RNF115: variants seen among roughly 807,000 people sequenced by gnomAD.
RNF115 encodes E3 ubiquitin-protein ligase RNF115.
A neutral mutation model predicts 39.2 loss-of-function variants in RNF115; 31 were observed. The observed-to-expected ratio is 0.79, with a 90% CI of 0.59 to 1.07. RNF115 has a LOEUF of 1.07. Among genes scored for constraint, RNF115 ranks in the 50% least tolerant of loss-of-function variants. The pLI, the probability that RNF115 is intolerant of heterozygous loss-of-function variation, is 0.00. For synonymous variants in RNF115, 124 were observed against 131.0 expected, an observed-to-expected ratio of 0.95 and a Z score of 0.37; for missense variants, 384 against 381.7, an observed-to-expected ratio of 1.01 and a Z score of -0.05.
intron 1 of RNF115, among the ~76,000 whole-genome samples, chr1:145,793,207 A>C (rs1278917089): frequency 6.6e-6 from 1 of 152,142 alleles, no homozygotes; most frequent in Non-Finnish European, 1.5e-5. Context: ...AGTCCCAGCT[A>C]CTTGGAGGCT....
At chr1:145,772,654 TTCTC>T (rs1559113959) in intron 3 of RNF115, 1 of 152,224 alleles carries the variant, frequency 6.6e-6, no homozygotes, top group Non-Finnish European at 1.5e-5. Flanking sequence ...GCTTCCAAGA[TTCTC>T]TCTTTATCTC....
chr1:145,769,829 C>T (rs1308502833), intron 4 of RNF115, among the ~76,000 whole-genome samples: 2 of 149,102 alleles, frequency 1.3e-5, no homozygotes, highest in Non-Finnish European at 3.0e-5. Flanking sequence ...CCAGCCTGGG[C>T]AACCTAGTCT....
In RNF115 at chr1:145,767,325, C is replaced by A. The variant is rs587743276; in HGVS notation, c.428+4386G>T. On this transcript the variant is annotated intron_variant, in intron 4 of 8. Coordinates refer to ENST00000582693, the MANE Select transcript of RNF115 (RefSeq NM_014455.4). Reference sequence around the variant, plus strand: ...GCAGTTGCCAGGCAGAGGGTCTCCTCACTTCTCAGACGGGGCGGCCGGGCA... The same window carrying A: ...GCAGTTGCCAGGCAGAGGGTCTCCTAACTTCTCAGACGGGGCGGCCGGGCA... Among the ~76,000 whole-genome samples the A allele has an allele frequency of 5.3e-5, 8 of 150,616 alleles. No homozygotes were observed. The South Asian group carries it at 6.3e-4, about 12-fold the overall frequency.
intron 4 of RNF115, among the ~76,000 whole-genome samples, chr1:145,764,317 G>A (rs1047346600): frequency 1.3e-5 from 2 of 152,220 alleles, no homozygotes; most frequent in African/African-American, 2.4e-5. Context: ...TGAGATTGCA[G>A]CCTCTGCCTG....
intron 5 of RNF115, among the ~76,000 whole-genome samples, chr1:145,751,761 C>T (rs782741390): frequency 7.2e-5 from 11 of 152,170 alleles, no homozygotes; most frequent in South Asian, 2.1e-4. Context: ...CCACATGACA[C>T]GCCAGAACAA....
chr1:145,789,875 T>C (rs901948442), intron 1 of RNF115, among the ~76,000 whole-genome samples: 17 of 151,474 alleles, frequency 1.1e-4, no homozygotes, highest in Non-Finnish European at 2.4e-4. Context: ...TTTTTGTATT[T>C]TTAGTAGAGA....
rs1424818587 is a variant in RNF115, at chr1:145,823,901, A to C, written c.-28T>G. On this transcript the variant is annotated 5_prime_UTR_variant, in exon 1 of 9. Coordinates refer to ENST00000582693, the MANE Select transcript of RNF115 (RefSeq NM_014455.4). Reference sequence around the variant, plus strand: ...TTGCCCTCCGCCGCGGCCGTCCGAGAGGGCAGCCGGCCCGTCCCTCGCCAG... The same window carrying C: ...TTGCCCTCCGCCGCGGCCGTCCGAGCGGGCAGCCGGCCCGTCCCTCGCCAG... 25 of 1,474,400 alleles carry C rather than the reference A, an allele frequency of 1.7e-5. No individual in the cohort carries two copies. The highest frequency in any genetic ancestry group is 2.3e-5 in the Non-Finnish European group (25 of 1,106,416). 91.3% of individuals were successfully genotyped at this position (1,474,400 alleles called of 1,614,324 possible).
chr1:145,752,585 C>CTTTTTTTTTTTTTTTTTTTTTTTT (rs60257682), intron 5 of RNF115, among the ~76,000 whole-genome samples: 3 of 83,762 alleles, frequency 3.6e-5, no homozygotes, highest in African/African-American at 1.1e-4. Context: ...CTATGCAGCT[C>CTTTTTTTTTTTTTTTTTTTTTTTT]TTTTTTTTTT....
chr1:145,786,336 T>C (rs587707713), intron 2 of RNF115, among the ~76,000 whole-genome samples: 2 of 152,338 alleles, frequency 1.3e-5, no homozygotes, highest in Admixed American at 6.5e-5. Context: ...ACCACTGCAA[T>C]TGCTAAGTAT....
intron 5 of RNF115, among the ~76,000 whole-genome samples, chr1:145,752,330 G>GTGAC: frequency 6.6e-6 from 1 of 152,130 alleles, no homozygotes; most frequent in East Asian, 1.9e-4. Context: ...ATATTCCTGT[G>GTGAC]TAGTCTACTG....
At chr1:145,798,754 G>T (rs1434386887) in intron 1 of RNF115, among the ~76,000 whole-genome samples, 1 of 152,138 alleles carries the variant, frequency 6.6e-6, no homozygotes, top group South Asian at 2.1e-4. Context: ...GCTTTGGGAA[G>T]AATTCATATC....
Position 145,776,840 on chromosome 1 carries a change from A to T in RNF115, c.220-4921T>A, listed in dbSNP as rs1647911455. ...AACAAGAGTGAAACTCTGTCTCCAA[A>T]CAAAAAGATTTCTCTAAATACTGGT... On this transcript the variant is annotated intron_variant, in intron 3 of 8. Transcript: ENST00000582693. Among the ~76,000 whole-genome samples the T allele has an allele frequency of 2.0e-5, 3 of 152,206 alleles. No homozygotes were observed. The South Asian group carries it at 6.2e-4, about 32-fold the overall frequency.
intron 7 of RNF115, 83 bp from the exon 8 acceptor site, chr1:145,748,193 C>T (rs1363107545): frequency 1.4e-5 from 12 of 876,160 alleles, no homozygotes; most frequent in African/African-American, 3.3e-5. Context: ...ACCAACCCTA[C>T]GAATGCATAA....
intron 1 of RNF115, among the ~76,000 whole-genome samples, chr1:145,808,895 C>T (rs942487565): frequency 3.3e-5 from 5 of 152,104 alleles, no homozygotes; most frequent in Non-Finnish European, 5.9e-5. Context: ...CACAGTAGTA[C>T]CTAAATTAGA....
rs1657605016 is a variant in RNF115 at position 145,738,915 on chromosome 1, A to G, written c.*7951T>C. The G allele has an allele frequency of 6.5e-6, 1 of 153,766 alleles. No individual in the cohort carries two copies. The highest frequency in any genetic ancestry group is 2.4e-5 in the African/African-American group (1 of 41,594). The allele number at this position is 153,766 out of a possible 1,614,324, so 9.5% of individuals were successfully genotyped here. Reference sequence around the variant, plus strand: ...TTAACACTGCAAAGGAAAGAGAGAGAAAACAAGCAAAGATAGGTAGGACAG... The same window carrying G: ...TTAACACTGCAAAGGAAAGAGAGAGGAAACAAGCAAAGATAGGTAGGACAG... On this transcript the variant is annotated 3_prime_UTR_variant, in exon 9 of 9. Transcript: ENST00000582693.
At chr1:145,753,875 C>A (rs1210569206) in intron 4 of RNF115, among the ~76,000 whole-genome samples, 2 of 152,158 alleles carry the variant, frequency 1.3e-5, no homozygotes, top group African/African-American at 4.8e-5. Flanking sequence ...TGCCACCACA[C>A]CCGGCTAATT....
chr1:145,811,042 A>T (rs1649669688), intron 1 of RNF115, among the ~76,000 whole-genome samples: 1 of 147,140 alleles, frequency 6.8e-6, no homozygotes, highest in Non-Finnish European at 1.5e-5. Context: ...ATTTTTAAAA[A>T]AATTTTTTGT....
chr1:145,762,419 A>C (rs1007502854), intron 4 of RNF115, among the ~76,000 whole-genome samples: 1 of 152,192 alleles, frequency 6.6e-6, no homozygotes, highest in Admixed American at 6.5e-5. Flanking sequence ...TCCCAGTCTC[A>C]GGTATGTCTT....
intron 7 of RNF115, 123 bp downstream of exon 7, chr1:145,750,283 AT>A (rs1193571867): frequency 1.5e-5 from 12 of 782,058 alleles, no homozygotes; most frequent in Non-Finnish European, 2.0e-5. Context: ...AGGTATTGGG[AT>A]TTTTTTTCTT....
Sources: gnomAD v4.1 joint callset for allele counts (sites outside exome capture counted in the v4.1 genomes callset) on GRCh38, gnomAD v4.1.1 for gene constraint, MANE v1.5 for transcripts, NCBI Gene and HGNC (gene_info 2026-07-23, HGNC 2026-07-21) for gene names.